The following GALNT10 variants were observed in gnomAD, a reference collection of about 807,000 sequenced individuals.
GALNT10 encodes the protein polypeptide N-acetylgalactosaminyltransferase 10.
A neutral mutation model predicts 75.0 loss-of-function variants in GALNT10; 41 were observed. The ratio of observed to expected loss-of-function variants is 0.55; its 90% CI spans 0.43 to 0.71. The LOEUF (loss-of-function observed/expected upper bound fraction) is 0.71. GALNT10 is among the 30% of genes least tolerant of loss of function. GALNT10 has a pLI of 0.00. For missense variants in GALNT10, 727 were observed against 818.5 expected, an observed-to-expected ratio of 0.89 and a Z score of 1.36; for synonymous variants, 302 against 313.0, an observed-to-expected ratio of 0.96 and a Z score of 0.37.
At chr5:154,349,376 G>A (rs1561668382) in intron 4 of GALNT10, 2 of 152,118 alleles carry the variant, frequency 1.3e-5, no homozygotes, top group Non-Finnish European at 2.9e-5. Flanking sequence ...TAGTCTGGGA[G>A]TTGTAATTTA....
Position 154,190,954 on chromosome 5 carries a change from C to A in GALNT10, c.88C>A (p.Leu30Met). 3 of 1,510,950 alleles carry A rather than the reference C, an allele frequency of 2.0e-6. No homozygotes were observed. Among genetic ancestry groups the A allele is most frequent in the Non-Finnish European group, 2.7e-6 (3 of 1,131,828 alleles). The allele number at this position is 1,510,950 out of a possible 1,614,324, so 93.6% of individuals were successfully genotyped here. A position where few individuals can be genotyped will look rare whatever the true frequency, so the allele number is the denominator to read the frequency against. ...VLLPNVGLWA[L>M]YRERQPDGTP... ...CCTGCCCAACGTGGGGCTTTGGGCGCTGTACCGCGAGCGGCAGCCCGACGG... is the reference window on the plus strand; with the variant it reads ...CCTGCCCAACGTGGGGCTTTGGGCGATGTACCGCGAGCGGCAGCCCGACGG... The change falls in exon 1 of 12, where the codon CTG becomes ATG. Residue 30 changes from leucine (L) to methionine (M), a missense_variant. Physicochemically the swap from Leu to Met is conservative, Grantham distance 15. Transcript: ENST00000297107.
rs571682779 is a variant in GALNT10 at position 154,381,652 on chromosome 5, A to G, written c.938+1021A>G. Among the ~76,000 whole-genome samples, 4 of 152,342 alleles carry G rather than the reference A, an allele frequency of 2.6e-5. No individual in the cohort carries two copies. In the South Asian group the frequency reaches 8.3e-4, roughly 32 times the overall value. On this transcript the variant is annotated intron_variant, in intron 6 of 11. Coordinates refer to ENST00000297107, the MANE Select transcript of GALNT10 (RefSeq NM_198321.4). ...AAAATCATAGTGTCGGCAGGGCTGC[A>G]TTCCCTCTGGATGCCTTGGGAAGAA...
intron 1 of GALNT10, among the ~76,000 whole-genome samples, chr5:154,239,662 T>A (rs1013138693): frequency 2.6e-5 from 4 of 152,186 alleles, no homozygotes; most frequent in African/African-American, 9.7e-5. Flanking sequence ...CTGCCATTAA[T>A]CGAACATCAT....
intron 4 of GALNT10, among the ~76,000 whole-genome samples, chr5:154,341,090 A>G (rs1755025921): frequency 6.6e-6 from 1 of 152,182 alleles, no homozygotes; most frequent in African/African-American, 2.4e-5. Context: ...ATTATAGAGA[A>G]CAAAGAAATA....
chr5:154,247,838 C>T (rs1359084171), intron 1 of GALNT10, among the ~76,000 whole-genome samples: 1 of 152,172 alleles, frequency 6.6e-6, no homozygotes, highest in Non-Finnish European at 1.5e-5. Context: ...GCCAGAATTT[C>T]CAGCACTATG....
rs925459508 is a variant in GALNT10 at position 154,215,496 on chromosome 5, AC to A, written c.159+24472del. On this transcript the variant is annotated intron_variant, in intron 1 of 11. Coordinates refer to ENST00000297107, the MANE Select transcript of GALNT10 (RefSeq NM_198321.4). ...AAGACTCCGTCTCAAAAAACAAAAA[AC>A]AAAACAAAACAAAAAAGGTGTTATC... Among the ~76,000 whole-genome samples the A allele has an allele frequency of 2.6e-5, 4 of 152,304 alleles. No individual in the cohort carries two copies. The East Asian group carries it at 5.8e-4, about 22-fold the overall frequency.
intron 6 of GALNT10, 39 bp from the exon 7 acceptor site, chr5:154,386,274 A>T (rs1055727213): frequency 7.0e-7 from 1 of 1,423,700 alleles, no homozygotes; most frequent in African/African-American, 1.4e-5. Flanking sequence ...TGTGGCCAGG[A>T]CATCTGCACC....
intron 1 of GALNT10, among the ~76,000 whole-genome samples, chr5:154,248,368 A>G (rs1253227936): frequency 3.3e-5 from 5 of 152,200 alleles, no homozygotes; most frequent in Non-Finnish European, 7.3e-5. Context: ...ATTGATTGGA[A>G]TAGTTTCAGA....
In GALNT10 at chr5:154,412,697, A is replaced by C. The variant is rs1012696161; in HGVS notation, c.1387-192A>C. The C allele has an allele frequency of 3.4e-6, 2 of 593,762 alleles. No homozygotes were observed. Among genetic ancestry groups the C allele is most frequent in the African/African-American group, 3.7e-5 (2 of 53,990 alleles). The allele number at this position is 593,762 out of a possible 1,614,324, so 36.8% of individuals were successfully genotyped here. A position where few individuals can be genotyped will look rare whatever the true frequency, so the allele number is the denominator to read the frequency against. The stretch of plus-strand genomic sequence containing the variant: ...CTTACAGCAGTGCTTTAAGGATTAC[A>C]TTCTGTGGACTGAGTCTTCCTTCAT... On this transcript the variant is annotated intron_variant, in intron 9 of 11. Coordinates refer to ENST00000297107, the MANE Select transcript of GALNT10 (RefSeq NM_198321.4). The surrounding 1 kb of genome is among the most constrained non-coding windows in gnomAD (Gnocchi z 4.2).
chr5:154,224,506 A>G (rs10036770), intron 1 of GALNT10, among the ~76,000 whole-genome samples: 100,070 of 152,082 alleles, frequency 0.66, 33,341 homozygotes, highest in East Asian at 0.85. Context: ...GTAATTTGTT[A>G]GCTAATTCTG....
chr5:154,353,709 G>A (rs1755246212), intron 4 of GALNT10, among the ~76,000 whole-genome samples: 1 of 152,226 alleles, frequency 6.6e-6, no homozygotes, highest in Non-Finnish European at 1.5e-5. Context: ...TAGGCAACAG[G>A]CAGTGGAAGT....
chr5:154,293,008 G>C (rs1754218195), intron 1 of GALNT10, among the ~76,000 whole-genome samples: 1 of 152,078 alleles, frequency 6.6e-6, no homozygotes, highest in Non-Finnish European at 1.5e-5. Flanking sequence ...AAGACATCTA[G>C]CACACCAACT....
At chr5:154,340,598 G>A (rs1755019101) in intron 4 of GALNT10, among the ~76,000 whole-genome samples, 1 of 152,156 alleles carries the variant, frequency 6.6e-6, no homozygotes, top group Non-Finnish European at 1.5e-5. Context: ...GGTAAATGAA[G>A]CACGTTGGCC....
intron 3 of GALNT10, among the ~76,000 whole-genome samples, chr5:154,314,214 A>G (rs923827080): frequency 6.6e-6 from 1 of 152,162 alleles, no homozygotes; most frequent in Non-Finnish European, 1.5e-5. Context: ...ACTAAGTCTC[A>G]GGGAGGTTAT....
intron 3 of GALNT10, among the ~76,000 whole-genome samples, chr5:154,302,323 G>A (rs922530940): frequency 5.9e-5 from 9 of 152,240 alleles, no homozygotes; most frequent in African/African-American, 1.9e-4. Context: ...GAACGGAAGC[G>A]AGGCAGTTTG....
intron 4 of GALNT10, among the ~76,000 whole-genome samples, chr5:154,350,599 T>TAACA (rs1252130454): frequency 1.3e-5 from 2 of 152,288 alleles, no homozygotes; most frequent in East Asian, 3.9e-4. Flanking sequence ...TGGTAAAAGT[T>TAACA]AACAACAAGC....
chr5:154,191,037 C>G lies in GALNT10; in HGVS notation c.159+12C>G. On this transcript the variant is annotated intron_variant, in intron 1 of 11. Coordinates refer to ENST00000297107, the MANE Select transcript of GALNT10 (RefSeq NM_198321.4). ...CGGCGGCGGGACAGGTGAGTCCCCC[C>G]GTTGCTACAGGCCGGGAACACCCCC... The G allele has an allele frequency of 1.4e-6, 2 of 1,408,998 alleles. No homozygotes were observed. The highest frequency in any genetic ancestry group is 1.9e-6 in the Non-Finnish European group (2 of 1,071,418). The allele number at this position is 1,408,998 out of a possible 1,614,324, so 87.3% of individuals were successfully genotyped here. A position where few individuals can be genotyped will look rare whatever the true frequency, so the allele number is the denominator to read the frequency against.
chr5:154,404,881 G>A (rs1196364159), intron 8 of GALNT10, among the ~76,000 whole-genome samples: 1 of 152,172 alleles, frequency 6.6e-6, no homozygotes, highest in African/African-American at 2.4e-5. Context: ...GCCTTAAAAT[G>A]GTTTCTATCA....
chr5:154,230,277 C>T (rs897766924), intron 1 of GALNT10, among the ~76,000 whole-genome samples: 9 of 152,170 alleles, frequency 5.9e-5, no homozygotes, highest in African/African-American at 2.2e-4. Context: ...CTATCAAGTG[C>T]CTCTCTACGC....
Sources: allele counts gnomAD v4.1 joint callset (sites outside exome capture counted in the v4.1 genomes callset), GRCh38; gene constraint gnomAD v4.1.1; non-coding constraint Gnocchi (gnomAD v3.1); transcripts MANE v1.5; gene names NCBI Gene and HGNC (gene_info 2026-07-23, HGNC 2026-07-21).